Variants in CAMK1D observed in about 807,000 individuals in gnomAD.
The protein encoded by CAMK1D is calcium/calmodulin-dependent protein kinase type 1D.
Under a neutral mutation model 47.7 loss-of-function variants are expected in CAMK1D, and 9 were observed. The observed-to-expected ratio is 0.19, with a 90% confidence interval of 0.11 to 0.33. CAMK1D has a LOEUF of 0.33. Among genes scored for constraint, CAMK1D ranks in the 10% least tolerant of loss-of-function variants. CAMK1D has a pLI of 1.00. For synonymous variants in CAMK1D, 184 were observed against 184.9 expected (o/e 0.99, Z 0.04); for missense variants, 291 against 488.7 (o/e 0.60, Z 3.81).
intron 3 of CAMK1D, among the ~76,000 whole-genome samples, chr10:12,734,784 CTCTT>C (rs1835108355): frequency 6.6e-6 from 1 of 152,018 alleles, no homozygotes; most frequent in Non-Finnish European, 1.5e-5. Flanking sequence ...AATTTGCTTT[CTCTT>C]TCTTTGTTGT....
intron 5 of CAMK1D, among the ~76,000 whole-genome samples, chr10:12,783,038 G>C (rs570271916): frequency 6.7e-6 from 1 of 149,582 alleles, no homozygotes; most frequent in Non-Finnish European, 1.5e-5. Context: ...TGTTGCCCAG[G>C]CTAGAGTGCA....
chr10:12,488,462 G>A (rs561226405), intron 1 of CAMK1D, among the ~76,000 whole-genome samples: 4 of 152,238 alleles, frequency 2.6e-5, no homozygotes, highest in Non-Finnish European at 5.9e-5. Flanking sequence ...TCCCTCAGTG[G>A]TCCCCAACCT....
At chr10:12,408,114 T>A (rs1839512572) in intron 1 of CAMK1D, among the ~76,000 whole-genome samples, 1 of 152,054 alleles carries the variant, frequency 6.6e-6, no homozygotes, top group Non-Finnish European at 1.5e-5. Context: ...CACCTTGGCC[T>A]CCCAGAGTGC....
rs892422749 is a variant in CAMK1D at position 12,647,934 on chromosome 10, G to A, written c.225-18802G>A. 3.3e-5 allele frequency among the ~76,000 whole-genome samples: 5 copies of A among 152,210 alleles called. No homozygotes were observed. The East Asian group carries it at 9.6e-4, about 29-fold the overall frequency. ...TGTCCTTAGGCCAAGGCAGGTCTGT[G>A]TGCAGGTGTGCAGATGGAGCTTGGA... On this transcript the variant is annotated intron_variant, in intron 2 of 10. Transcript: ENST00000619168.
intron 3 of CAMK1D, among the ~76,000 whole-genome samples, chr10:12,698,137 C>T (rs927874179): frequency 1.3e-5 from 2 of 152,130 alleles, no homozygotes; most frequent in African/African-American, 2.4e-5. Context: ...TTTCAGTGTG[C>T]CTAAACTGCA....
chr10:12,583,445 A>G (rs1331259761), intron 2 of CAMK1D, among the ~76,000 whole-genome samples: 1 of 152,128 alleles, frequency 6.6e-6, no homozygotes, highest in African/African-American at 2.4e-5. Flanking sequence ...TAATAGGAAA[A>G]TCCCTTAAAT....
Position 12,831,006 on chromosome 10 carries a change from T to G in CAMK1D, c.*2119T>G, listed in dbSNP as rs1833410492. Reference sequence around the variant, plus strand: ...GCAGCTCCATCCTGCTCCCTGAGAATGGCAGTGCAGGCACAGAGAAGAGCA... The same window carrying G: ...GCAGCTCCATCCTGCTCCCTGAGAAGGGCAGTGCAGGCACAGAGAAGAGCA... On this transcript the variant is annotated 3_prime_UTR_variant, in exon 11 of 11. Coordinates refer to ENST00000619168, the MANE Select transcript of CAMK1D (RefSeq NM_153498.4). 1 of 151,558 alleles carries G rather than the reference T, an allele frequency of 6.6e-6. No individual in the cohort carries two copies. Among genetic ancestry groups the G allele is most frequent in the African/African-American group, 2.5e-5 (1 of 40,592 alleles). The allele number at this position is 151,558 out of a possible 1,614,324, so 9.4% of individuals were successfully genotyped here.
At chr10:12,527,058 TG>T (rs2132210227) in intron 1 of CAMK1D, among the ~76,000 whole-genome samples, 1 of 152,228 alleles carries the variant, frequency 6.6e-6, no homozygotes, top group East Asian at 1.9e-4. Flanking sequence ...CCTTACACTC[TG>T]TAGACCATAG....
At chr10:12,758,801 G>T (rs775822294) in intron 3 of CAMK1D, among the ~76,000 whole-genome samples, 8 of 152,170 alleles carry the variant, frequency 5.3e-5, no homozygotes, top group Non-Finnish European at 1.0e-4. Flanking sequence ...AGTGGAAGGG[G>T]TAAGCGTTCT....
chr10:12,662,436 G>A (rs908175770), intron 2 of CAMK1D, among the ~76,000 whole-genome samples: 10 of 152,158 alleles, frequency 6.6e-5, no homozygotes, highest in African/African-American at 1.4e-4. Context: ...GGCGGATCAC[G>A]AGGTCAGGGA....
chr10:12,522,785 C>T (rs1001602308), intron 1 of CAMK1D, among the ~76,000 whole-genome samples: 15 of 145,328 alleles, frequency 1.0e-4, no homozygotes, highest in Non-Finnish European at 1.7e-4. Flanking sequence ...CGGGCAGAGG[C>T]GCCCACCACC....
chr10:12,540,651 A>G (rs1049411327), intron 1 of CAMK1D, among the ~76,000 whole-genome samples: 2 of 152,254 alleles, frequency 1.3e-5, no homozygotes, highest in Admixed American at 1.3e-4. Flanking sequence ...GATTGTACTC[A>G]GAATGAAAAC....
At chr10:12,581,074 G>A (rs1837650091) in intron 2 of CAMK1D, among the ~76,000 whole-genome samples, 1 of 152,014 alleles carries the variant, frequency 6.6e-6, no homozygotes. Context: ...AGAGTCCATT[G>A]TGTCATTCTT....
At chr10:12,641,607 A>G (rs1243231699) in intron 2 of CAMK1D, among the ~76,000 whole-genome samples, 2 of 150,708 alleles carry the variant, frequency 1.3e-5, no homozygotes, top group Non-Finnish European at 2.9e-5. Context: ...TGGCAGAGTG[A>G]GATCCCCATC....
intron 5 of CAMK1D, among the ~76,000 whole-genome samples, chr10:12,783,996 T>A (rs1837611011): frequency 6.6e-6 from 1 of 152,144 alleles, no homozygotes; most frequent in East Asian, 1.9e-4. Context: ...GCTGAGTGGT[T>A]TACATGGAGC....
chr10:12,662,192 G>A (rs10752271), intron 2 of CAMK1D, among the ~76,000 whole-genome samples: 132,780 of 152,234 alleles, frequency 0.87, 58,281 homozygotes, highest in Middle Eastern at 0.93. Context: ...TATTTACCAA[G>A]TACACAGATG....
At chr10:12,484,650 A>G (rs924304839) in intron 1 of CAMK1D, among the ~76,000 whole-genome samples, 2 of 152,208 alleles carry the variant, frequency 1.3e-5, no homozygotes, top group Admixed American at 1.3e-4. Flanking sequence ...ACCACTCAGC[A>G]GTGGAAGCGA....
rs145035258 is a variant in CAMK1D, at chr10:12,595,605, C to T, written c.224+42249C>T. 8.8e-4 allele frequency among the ~76,000 whole-genome samples: 134 copies of T among 151,802 alleles called. No homozygotes were observed. The East Asian group carries it at 0.022, about 25-fold the overall frequency. On this transcript the variant is annotated intron_variant, in intron 2 of 10. Coordinates refer to ENST00000619168, the MANE Select transcript of CAMK1D (RefSeq NM_153498.4). ...CGTTTTGTAAGTCAAGTCCAACGTG[C>T]GTGCTCTGGGCCATGCGTCTTCTGT...
intron 1 of CAMK1D, among the ~76,000 whole-genome samples, chr10:12,500,127 G>A (rs1015776343): frequency 1.3e-5 from 2 of 152,134 alleles, no homozygotes; most frequent in Admixed American, 1.3e-4. Context: ...TTAGCTGGGC[G>A]TAGTGGAGGG....
Sources: gnomAD v4.1 joint callset for allele counts (sites outside exome capture counted in the v4.1 genomes callset) on GRCh38, gnomAD v4.1.1 for gene constraint, MANE v1.5 for transcripts, NCBI Gene and HGNC (gene_info 2026-07-23, HGNC 2026-07-21) for gene names.